GRAMD1B: variants seen among roughly 807,000 people sequenced by gnomAD.
GRAMD1B encodes the protein GRAM domain containing 1B.
GRAMD1B carries 37 observed loss-of-function variants against 99.7 expected under a neutral mutation model. That is an observed-to-expected ratio of 0.37 (90% confidence interval 0.29 to 0.49). The LOEUF (loss-of-function observed/expected upper bound fraction) is 0.49, where lower values mean the gene tolerates loss of function less well. GRAMD1B is among the 20% of genes least tolerant of loss of function. The probability of loss-of-function intolerance (pLI) is 0.98; values close to 1 mark genes in which losing one functional copy is unlikely to be tolerated. For synonymous variants in GRAMD1B, 427 were observed against 387.6 expected (o/e 1.10, Z -1.19); for missense variants, 888 against 1,009.2 (o/e 0.88, Z 1.63).
intron 1 of GRAMD1B, among the ~76,000 whole-genome samples, chr11:123,386,296 G>A (rs1311611998): frequency 6.6e-6 from 1 of 152,148 alleles, no homozygotes; most frequent in African/African-American, 2.4e-5. Context: ...GTGGCTTCCA[G>A]CGTTCTGAAC....
At chr11:123,558,259 C>T (rs535134176) in intron 2 of GRAMD1B, among the ~76,000 whole-genome samples, 4 of 152,222 alleles carry the variant, frequency 2.6e-5, no homozygotes, top group Admixed American at 2.6e-4. Context: ...GCTGAGATTA[C>T]AGGCATGAGC....
Position 123,622,992 on chromosome 11 carries a change from G to A in GRAMD1B, c.*397G>A, listed in dbSNP as rs993187159. On this transcript the variant is annotated 3_prime_UTR_variant, in exon 20 of 20. Coordinates refer to ENST00000635736, the MANE Select transcript of GRAMD1B (RefSeq NM_001387025.1). ...AAGTCTTAAGACGGCATTGCTTAAGGTGCTTCATTCCCTAATCCCCTTTTG... is the reference window on the plus strand; with the variant it reads ...AAGTCTTAAGACGGCATTGCTTAAGATGCTTCATTCCCTAATCCCCTTTTG... The A allele has an allele frequency of 2.0e-5, 3 of 152,232 alleles. No homozygotes were observed. The East Asian group carries it at 5.8e-4, about 29-fold the overall frequency. 9.4% of individuals were successfully genotyped at this position (152,232 alleles called of 1,614,324 possible).
At chr11:123,566,247 G>C (rs56269648) in intron 2 of GRAMD1B, among the ~76,000 whole-genome samples, 15,988 of 152,224 alleles carry the variant, frequency 0.11, 1,039 homozygotes, top group East Asian at 0.19. Context: ...ATTTTCTCAA[G>C]GGCACCAATC....
chr11:123,589,234 C>T (rs745641142), intron 4 of GRAMD1B, among the ~76,000 whole-genome samples: 98 of 151,802 alleles, frequency 6.5e-4, no homozygotes, highest in Non-Finnish European at 1.2e-3. Flanking sequence ...AGATATGAAC[C>T]TGTTTGAGGC....
At chr11:123,362,614 G>A (rs999884765) in intron 1 of GRAMD1B, among the ~76,000 whole-genome samples, 7 of 152,198 alleles carry the variant, frequency 4.6e-5, no homozygotes, top group African/African-American at 9.7e-5. Context: ...CACCCCATGA[G>A]TTGCTGAGCT....
chr11:123,525,221 C>T (rs1414632384), intron 2 of GRAMD1B, among the ~76,000 whole-genome samples: 1 of 152,210 alleles, frequency 6.6e-6, no homozygotes, highest in Non-Finnish European at 1.5e-5. Context: ...GGCAATTTCC[C>T]CAGCAGGAGG....
At chr11:123,523,065 C>T (rs899225782) in intron 2 of GRAMD1B, among the ~76,000 whole-genome samples, 1 of 152,190 alleles carries the variant, frequency 6.6e-6, no homozygotes, top group Admixed American at 6.5e-5. Flanking sequence ...GGCGCGGTGG[C>T]TCATGCCTGT....
chr11:123,627,287 G>A lies in GRAMD1B; in HGVS notation c.*4692G>A, dbSNP rs187704917. 15 of 152,458 alleles carry A rather than the reference G, an allele frequency of 9.8e-5. No individual in the cohort carries two copies. The highest frequency in any genetic ancestry group is 3.4e-4 in the African/African-American group (14 of 41,596). The allele number at this position is 152,458 out of a possible 1,614,324, so 9.4% of individuals were successfully genotyped here. On this transcript the variant is annotated 3_prime_UTR_variant, in exon 20 of 20. Transcript: ENST00000635736. ...CATCGGCCTGGGGCTTGGGTGCCAC[G>A]TGCTGAGATTGCATAGTCAAAACAG...
In GRAMD1B at chr11:123,430,633, C is replaced by CTCGCGTCCCT. The variant is rs1222611966; in HGVS notation, c.-157_-148dup. The CTCGCGTCCCT allele has an allele frequency of 1.8e-5, 9 of 505,004 alleles. No homozygotes were observed. The highest frequency in any genetic ancestry group is 2.8e-5 in the Non-Finnish European group (8 of 288,912). The allele number at this position is 505,004 out of a possible 1,614,324, so 31.3% of individuals were successfully genotyped here. A position where few individuals can be genotyped will look rare whatever the true frequency, so the allele number is the denominator to read the frequency against. ...GCGGCGGCGCGCTACGCCGCGTCCC[C>CTCGCGTCCCT]TCGCGTCCCTTCCTCGCTGCGCTCC... is the stretch of plus-strand genomic sequence containing the variant. On this transcript the variant is annotated 5_prime_UTR_variant, in exon 1 of 20. Transcript: ENST00000635736.
At chr11:123,580,587 A>T (rs1338156890) in intron 3 of GRAMD1B, among the ~76,000 whole-genome samples, 1 of 152,174 alleles carries the variant, frequency 6.6e-6, no homozygotes, top group African/African-American at 2.4e-5. Context: ...CTATGTAGGC[A>T]TGGCACCAGG....
chr11:123,497,801 T>C (rs993926967), intron 2 of GRAMD1B, among the ~76,000 whole-genome samples: 2 of 149,830 alleles, frequency 1.3e-5, no homozygotes, highest in South Asian at 2.1e-4. Context: ...CTCAGGAGGC[T>C]GAGGCAGGAG....
At chr11:123,592,339 C>G (rs1206173675) in intron 4 of GRAMD1B, among the ~76,000 whole-genome samples, 1 of 152,332 alleles carries the variant, frequency 6.6e-6, no homozygotes, top group Non-Finnish European at 1.5e-5. Flanking sequence ...GGGGCTCAGA[C>G]AGCACTGAGT....
In GRAMD1B at chr11:123,612,818, C is replaced by T. The variant is rs201106747; in HGVS notation, c.1977C>T (p.Ile659=). 345 of 1,612,320 alleles carry T rather than the reference C, an allele frequency of 2.1e-4. No homozygotes were observed. The highest frequency in any genetic ancestry group is 2.6e-4 in the Non-Finnish European group (312 of 1,178,866). Reference sequence around the variant, plus strand: ...CCTGGGGGTTAGTGAAAACGTTCATCGAGAAGAACTTCTGGAGTGGGCTGG... The same window carrying T: ...CCTGGGGGTTAGTGAAAACGTTCATTGAGAAGAACTTCTGGAGTGGGCTGG... ...KQPWGLVKTF[I]EKNFWSGLED... is the part of the protein sequence containing the mutation. The change falls in exon 15 of 20, where the codon ATC becomes ATT. Residue 659 remains isoleucine, a synonymous_variant. Transcript: ENST00000635736.
rs114090836 is a variant in GRAMD1B, at chr11:123,372,206, A to G, written c.-176+13407A>G. On this transcript the variant is annotated intron_variant, in intron 1 of 20. Transcript: ENST00000638157. ...GACGTCAAACACGATTATACAGAAA[A>G]CAATCTGTTAGAGTGTCCCAATGAT... Among the ~76,000 whole-genome samples the G allele has an allele frequency of 8.8e-3, 1,348 of 152,320 alleles. 13 individuals carry two copies. Among genetic ancestry groups the G allele is most frequent in the African/African-American group, 0.031 (1,278 of 41,568 alleles).
intron 1 of GRAMD1B, among the ~76,000 whole-genome samples, chr11:123,398,328 GC>G (rs1442316428): frequency 1.3e-5 from 2 of 152,232 alleles, no homozygotes; most frequent in Non-Finnish European, 2.9e-5. Context: ...TGGCAAGAGA[GC>G]AAGAGCATGC....
chr11:123,387,543 C>T (rs911914044), intron 1 of GRAMD1B, among the ~76,000 whole-genome samples: 7 of 151,984 alleles, frequency 4.6e-5, no homozygotes, highest in Non-Finnish European at 1.0e-4. Context: ...GTTTGGAGGG[C>T]TTCTCAAAGG....
Position 123,596,429 on chromosome 11 carries a change from C to T in GRAMD1B, c.969+392C>T, listed in dbSNP as rs765767221. 3.3e-5 allele frequency among the ~76,000 whole-genome samples: 5 copies of T among 152,218 alleles called. No individual in the cohort carries two copies. In the South Asian group the frequency reaches 6.2e-4, roughly 19 times the overall value. ...AAGCAGTATACAAATGTTAAGAAGT[C>T]GTCATTATGTATCAGCTTAGCTGAT... On this transcript the variant is annotated intron_variant, in intron 7 of 19. Coordinates refer to ENST00000635736, the MANE Select transcript of GRAMD1B (RefSeq NM_001387025.1).
chr11:123,486,941 C>T (rs886671832), intron 2 of GRAMD1B, among the ~76,000 whole-genome samples: 2 of 152,092 alleles, frequency 1.3e-5, no homozygotes, highest in South Asian at 2.1e-4. Flanking sequence ...TGGTGGTGTG[C>T]GCCTGTAGTC....
chr11:123,467,635 G>A (rs1217020451), intron 1 of GRAMD1B, among the ~76,000 whole-genome samples: 1 of 152,056 alleles, frequency 6.6e-6, no homozygotes, highest in African/African-American at 2.4e-5. Context: ...GTCCACATAT[G>A]TCTAATTCAA....
Sources: allele counts gnomAD v4.1 joint callset (sites outside exome capture counted in the v4.1 genomes callset), GRCh38; gene constraint gnomAD v4.1.1; transcripts MANE v1.5; gene names NCBI Gene and HGNC (gene_info 2026-07-23, HGNC 2026-07-21).